FREM1: variants seen among roughly 807,000 people sequenced by gnomAD.
FREM1 encodes the protein FRAS1 related extracellular matrix 1.
A neutral mutation model predicts 210.1 loss-of-function variants in FREM1; 220 were observed. That is an observed-to-expected ratio of 1.05 (90% CI 0.94 to 1.17). The LOEUF (loss-of-function observed/expected upper bound fraction) is 1.17. FREM1 is among the 50% of genes most tolerant of loss of function. FREM1 has a pLI of 0.00. For synonymous variants in FREM1, 1,189 were observed against 980.2 expected, an observed-to-expected ratio of 1.21 and a Z score of -3.98; for missense variants, 3,454 against 2,675.5, an observed-to-expected ratio of 1.29 and a Z score of -6.42.
chr9:14,747,509 T>G, intron 32 of FREM1, 81 bp from the exon 33 acceptor site: 1 of 1,411,828 alleles, frequency 7.1e-7, no homozygotes, highest in Non-Finnish European at 9.7e-7. Context: ...AATTCAAAAA[T>G]TCAGTCAAAG....
intron 16 of FREM1, among the ~76,000 whole-genome samples, chr9:14,812,583 A>G (rs1031770504): frequency 6.6e-6 from 1 of 152,208 alleles, no homozygotes; most frequent in Non-Finnish European, 1.5e-5. Context: ...TCAGGAACAA[A>G]GCAAGTAATA....
chr9:14,808,069 C>T lies in FREM1; in HGVS notation c.2959G>A (p.Gly987Ser), dbSNP rs750604414. The change falls in exon 17 of 37, where the codon GGC (glycine) becomes AGC (serine). Residue 987 changes from glycine to serine, a missense_variant. Transcript: ENST00000380880. ...ITLVVSDGEA[G>S]PFVNGCCYNG... ...TAGCAACAGCCATTCACAAAAGGGC[C>T]AGCCTCTCCATCCGAAACCACCAAT... The T allele has an allele frequency of 3.7e-6, 6 of 1,613,574 alleles. No individual in the cohort carries two copies. Among genetic ancestry groups the T allele is most frequent in the Non-Finnish European group, 5.1e-6 (6 of 1,179,692 alleles).
chr9:14,842,661 C>G lies in FREM1; in HGVS notation c.1394-1G>C, dbSNP rs1291299731. On this transcript the variant is annotated splice_acceptor_variant, in intron 8 of 36. Coordinates refer to ENST00000380880, the MANE Select transcript of FREM1 (RefSeq NM_001379081.2). LOFTEE classifies it high-confidence loss of function. Reference sequence around the variant, plus strand: ...ACGGTGAAGAGAAACCCTTTCCCCCCTGAGGGAGAGAGCAGAGATGGAGCA... The same window carrying G: ...ACGGTGAAGAGAAACCCTTTCCCCCGTGAGGGAGAGAGCAGAGATGGAGCA... 2.5e-6 allele frequency: 4 copies of G among 1,610,132 alleles called. No homozygotes were observed. Among genetic ancestry groups the G allele is most frequent in the Non-Finnish European group, 3.4e-6 (4 of 1,177,530 alleles).
intron 24 of FREM1, 48 bp from the exon 25 acceptor site, chr9:14,776,251 C>G: frequency 6.7e-7 from 1 of 1,496,986 alleles, no homozygotes; most frequent in Non-Finnish European, 8.9e-7. Context: ...CTTGTGTCAC[C>G]ATCTACTGGA....
chr9:14,801,622 A>C (rs1469641434), intron 20 of FREM1, 30 bp downstream of exon 20: 4 of 1,435,688 alleles, frequency 2.8e-6, no homozygotes, highest in Non-Finnish European at 3.9e-6. Flanking sequence ...ATCAACAATA[A>C]CAAATGCATG....
In FREM1 at chr9:14,882,912, CAAAA is replaced by C. The variant is rs71323913; in HGVS notation, c.-267-13672_-267-13669del. Among the ~76,000 whole-genome samples the C allele has an allele frequency of 1.1e-3, 51 of 45,420 alleles. 1 individual carries two copies. Among genetic ancestry groups the C allele is most frequent in the African/African-American group, 4.7e-3 (51 of 10,780 alleles). The allele number at this position is 45,420 out of a possible 152,430, so 29.8% of individuals were successfully genotyped here. A position where few individuals can be genotyped will look rare whatever the true frequency, so the allele number is the denominator to read the frequency against. ...AGGGCAGCAGAGCGAGACTCCATCT[CAAAA>C]AAAAAAAAAAAAGGAATCACCCATC... On this transcript the variant is annotated intron_variant, in intron 1 of 36. Transcript: ENST00000380880.
intron 34 of FREM1, 61 bp downstream of exon 34, chr9:14,746,862 A>T: frequency 1.9e-6 from 3 of 1,565,112 alleles, no homozygotes; most frequent in Non-Finnish European, 2.6e-6. Flanking sequence ...GTTCCCCTCT[A>T]TTAGCTTATC....
At chr9:14,908,245 G>A (rs1818127359) in intron 1 of FREM1, among the ~76,000 whole-genome samples, 1 of 152,120 alleles carries the variant, frequency 6.6e-6, no homozygotes, top group African/African-American at 2.4e-5. Flanking sequence ...TCATCCCTGT[G>A]GGATGGTCCA....
intron 1 of FREM1, among the ~76,000 whole-genome samples, chr9:14,901,470 A>G (rs1838771418): frequency 6.6e-6 from 1 of 152,166 alleles, no homozygotes; most frequent in Admixed American, 6.5e-5. Context: ...AGCCCATATT[A>G]CTGCCTCCAG....
intron 22 of FREM1, chr9:14,791,105 G>A (rs1851226017): frequency 6.6e-6 from 1 of 152,188 alleles, no homozygotes; most frequent in Non-Finnish European, 1.5e-5. Flanking sequence ...GTTGGTGGTT[G>A]TGGTTGCTAG....
Position 14,869,030 on chromosome 9 carries a change from G to A in FREM1, c.-53C>T. On this transcript the variant is annotated 5_prime_UTR_variant, in exon 2 of 37. Coordinates refer to ENST00000380880, the MANE Select transcript of FREM1 (RefSeq NM_001379081.2). Reference sequence around the variant, plus strand: ...CACCGGCGAAATCCCTTTAACAAAGGAGGGCTTCTGTGCTTCCTCCTGGAG... The same window carrying A: ...CACCGGCGAAATCCCTTTAACAAAGAAGGGCTTCTGTGCTTCCTCCTGGAG... The A allele has an allele frequency of 7.7e-7, 1 of 1,293,660 alleles. No homozygotes were observed. Among genetic ancestry groups the A allele is most frequent in the Non-Finnish European group, 1.1e-6 (1 of 946,814 alleles). The allele number at this position is 1,293,660 out of a possible 1,614,324, so 80.1% of individuals were successfully genotyped here.
chr9:14,780,486 T>G (rs368510595), intron 24 of FREM1, among the ~76,000 whole-genome samples: 3 of 141,784 alleles, frequency 2.1e-5, no homozygotes, highest in East Asian at 4.2e-4. Flanking sequence ...GACATTAGCA[T>G]GTTCTTTTAG....
chr9:14,809,359 GGAGTTTT>G (rs1433675191), intron 16 of FREM1, among the ~76,000 whole-genome samples: 1 of 152,166 alleles, frequency 6.6e-6, no homozygotes, highest in Non-Finnish European at 1.5e-5. Flanking sequence ...ATTAATGCTT[GGAGTTTT>G]GATGAACCTA....
intron 5 of FREM1, among the ~76,000 whole-genome samples, 194 bp from the exon 6 acceptor site, chr9:14,851,801 G>C (rs962782337): frequency 6.6e-6 from 1 of 152,122 alleles, no homozygotes; most frequent in African/African-American, 2.4e-5. Flanking sequence ...AGAGGTTCTT[G>C]TTTAATTGTT....
chr9:14,875,819 G>T lies in FREM1; in HGVS notation c.-267-6575C>A, dbSNP rs1305061549. The stretch of plus-strand genomic sequence containing the variant: ...ATCTTTGTGGTTTTATCTACTTTTG[G>T]TCTTTGATGATGGTGATTTACAGAT... On this transcript the variant is annotated intron_variant, in intron 1 of 36. Transcript: ENST00000380880. Among the ~76,000 whole-genome samples the T allele has an allele frequency of 3.9e-5, 6 of 152,144 alleles. No homozygotes were observed. The East Asian group carries it at 1.2e-3, about 29-fold the overall frequency.
intron 7 of FREM1, among the ~76,000 whole-genome samples, chr9:14,847,003 CA>C (rs1234006305): frequency 6.6e-6 from 1 of 152,198 alleles, no homozygotes; most frequent in Non-Finnish European, 1.5e-5. Flanking sequence ...GGCCCTGCAC[CA>C]GGGGACCCAG....
chr9:14,849,408 ATAAG>A (rs1424007770), intron 6 of FREM1, among the ~76,000 whole-genome samples: 1 of 152,198 alleles, frequency 6.6e-6, no homozygotes, highest in Non-Finnish European at 1.5e-5. Flanking sequence ...TTCATAACTA[ATAAG>A]TAAGTAGGGG....
rs1823711588 is a variant in FREM1 at position 14,832,312 on chromosome 9, T to C, written c.1882-7320A>G. ...GATTTTCTAACTACCCTAATAGGTA[T>C]ATAGAAGCTTTCCAAAATGTAACTT... is the stretch of plus-strand genomic sequence containing the variant. On this transcript the variant is annotated intron_variant, in intron 10 of 36. Coordinates refer to ENST00000380880, the MANE Select transcript of FREM1 (RefSeq NM_001379081.2). 2.0e-5 allele frequency among the ~76,000 whole-genome samples: 3 copies of C among 152,298 alleles called. 1 individual carries two copies. Among genetic ancestry groups the C allele is most frequent in the Middle Eastern group, 6.8e-3 (2 of 294 alleles).
chr9:14,890,639 T>C (rs75213222), intron 1 of FREM1, among the ~76,000 whole-genome samples: 1 of 152,166 alleles, frequency 6.6e-6, no homozygotes, highest in Admixed American at 6.5e-5. Context: ...AGAGGGTATC[T>C]AAAACATTTC....
Sources: allele counts gnomAD v4.1 joint callset (sites outside exome capture counted in the v4.1 genomes callset), GRCh38; gene constraint gnomAD v4.1.1; transcripts MANE v1.5; gene names NCBI Gene and HGNC (gene_info 2026-07-23, HGNC 2026-07-21).